RNF6: variants seen among roughly 807,000 people sequenced by gnomAD.
RNF6 encodes ring finger protein 6, also known as E3 ubiquitin-protein ligase RNF6.
In RNF6, 21 loss-of-function variants were observed where a neutral mutation model predicts 50.1. That is an observed-to-expected ratio of 0.42 (90% CI 0.30 to 0.60). The LOEUF (loss-of-function observed/expected upper bound fraction) is 0.60. Ranked by LOEUF, RNF6 falls within the 20% of genes least tolerant of loss-of-function variation. The probability of loss-of-function intolerance (pLI) is 0.20; values close to 1 mark genes in which losing one functional copy is unlikely to be tolerated. For synonymous variants in RNF6, 255 were observed against 291.8 expected, an observed-to-expected ratio of 0.87 and a Z score of 1.29; for missense variants, 698 against 838.2, an observed-to-expected ratio of 0.83 and a Z score of 2.07.
intron 5 of RNF6, among the ~76,000 whole-genome samples, chr13:26,155,802 G>A (rs1443238113): frequency 1.3e-5 from 2 of 152,200 alleles, no homozygotes; most frequent in Non-Finnish European, 2.9e-5. Flanking sequence ...GGAAAAGCCA[G>A]CTGCCCAGCC....
chr13:26,147,580 GA>G (rs777910282), intron 5 of RNF6, among the ~76,000 whole-genome samples: 3 of 152,098 alleles, frequency 2.0e-5, no homozygotes, highest in Admixed American at 6.5e-5. Context: ...CAAAATTTAG[GA>G]GTCAATGTCC....
At chr13:26,150,077 C>G (rs1010863401) in intron 5 of RNF6, among the ~76,000 whole-genome samples, 3 of 148,304 alleles carry the variant, frequency 2.0e-5, no homozygotes, top group Non-Finnish European at 4.5e-5. Context: ...TATACATACA[C>G]ACACACAGAG....
chr13:26,144,597 G>A (rs1426005300), intron 5 of RNF6, among the ~76,000 whole-genome samples: 3 of 152,156 alleles, frequency 2.0e-5, no homozygotes, highest in Non-Finnish European at 4.4e-5. Flanking sequence ...TTGCCTATTA[G>A]GATAAGTTCC....
At chr13:26,179,287 AG>A (rs771153994) in intron 5 of RNF6, among the ~76,000 whole-genome samples, 3 of 152,228 alleles carry the variant, frequency 2.0e-5, no homozygotes, top group Non-Finnish European at 2.9e-5. Flanking sequence ...AGTCAGGCAA[AG>A]AAAATGTATT....
At chr13:26,175,583 G>A (rs959027788) in intron 5 of RNF6, among the ~76,000 whole-genome samples, 3 of 152,130 alleles carry the variant, frequency 2.0e-5, no homozygotes, top group Admixed American at 6.5e-5. Flanking sequence ...GGTTACCATC[G>A]CAGTTCCCCA....
In RNF6 at chr13:26,215,599, A is replaced by T; in HGVS notation, c.290-7T>A. ...TCTCTAGGGACTTCTGAGTCTAGAA[A>T]GCAAAGCAAATCAACTTAAGATCAA... On this transcript the variant is annotated splice_region_variant and splice_polypyrimidine_tract_variant and intron_variant, in intron 4 of 4. Coordinates refer to ENST00000381588, the MANE Select transcript of RNF6 (RefSeq NM_005977.4). The T allele has an allele frequency of 6.3e-7, 1 of 1,585,678 alleles. No individual in the cohort carries two copies. Among genetic ancestry groups the T allele is most frequent in the Non-Finnish European group, 8.5e-7 (1 of 1,173,136 alleles).
At chr13:26,182,354 A>ATTTTGATTAAACATT (rs56038404) in intron 5 of RNF6, among the ~76,000 whole-genome samples, 52,684 of 151,990 alleles carry the variant, frequency 0.35, 9,866 homozygotes, top group East Asian at 0.69. Context: ...CTCAAATTAA[A>ATTTTGATTAAACATT]TTTGGCAAAA....
chr13:26,201,887 T>TA (rs1022312265), intron 5 of RNF6, among the ~76,000 whole-genome samples: 69 of 152,160 alleles, frequency 4.5e-4, no homozygotes, highest in African/African-American at 1.6e-3. Context: ...AGTTGACTGA[T>TA]ACTCAGTGTC....
At chr13:26,164,168 A>G (rs1872340112) in intron 5 of RNF6, among the ~76,000 whole-genome samples, 1 of 152,202 alleles carries the variant, frequency 6.6e-6, no homozygotes, top group Non-Finnish European at 1.5e-5. Context: ...CTTTTTATTT[A>G]TCATCCCTGG....
intron 5 of RNF6, among the ~76,000 whole-genome samples, chr13:26,185,994 C>T (rs989000955): frequency 6.6e-6 from 1 of 152,182 alleles, no homozygotes; most frequent in Non-Finnish European, 1.5e-5. Flanking sequence ...CCACCCCGTG[C>T]CCTTATGAAA....
intron 5 of RNF6, among the ~76,000 whole-genome samples, chr13:26,169,912 A>G (rs1872615505): frequency 6.6e-6 from 1 of 152,216 alleles, no homozygotes; most frequent in South Asian, 2.1e-4. Flanking sequence ...CTCTCCTATT[A>G]TAATAGTTTT....
intron 5 of RNF6, among the ~76,000 whole-genome samples, chr13:26,184,737 T>C (rs1873434244): frequency 6.6e-6 from 1 of 152,174 alleles, no homozygotes; most frequent in Admixed American, 6.5e-5. Context: ...CTGTTCTGGC[T>C]TAAAACAATG....
At chr13:26,170,450 T>C (rs1872645577) in intron 5 of RNF6, among the ~76,000 whole-genome samples, 1 of 151,562 alleles carries the variant, frequency 6.6e-6, no homozygotes, top group Non-Finnish European at 1.5e-5. Context: ...CATTTCCGTT[T>C]TGTGCAGCTA....
chr13:26,137,105 C>A (rs2137545746), intron 5 of RNF6, among the ~76,000 whole-genome samples: 1 of 152,264 alleles, frequency 6.6e-6, no homozygotes, highest in East Asian at 1.9e-4. Context: ...ATTACTGGAT[C>A]TGTTTGATGG....
At chr13:26,174,028 G>A (rs1024966645) in intron 5 of RNF6, among the ~76,000 whole-genome samples, 1 of 152,020 alleles carries the variant, frequency 6.6e-6, no homozygotes, top group Non-Finnish European at 1.5e-5. Context: ...TCTTAATGGT[G>A]AGAATATGAG....
At chr13:26,145,717 A>G (rs1480788589) in intron 5 of RNF6, among the ~76,000 whole-genome samples, 1 of 152,226 alleles carries the variant, frequency 6.6e-6, no homozygotes, top group Non-Finnish European at 1.5e-5. Context: ...ATGTCTCTAT[A>G]CCAGTGTGAG....
intron 5 of RNF6, among the ~76,000 whole-genome samples, chr13:26,170,755 T>G (rs575389862): frequency 6.6e-6 from 1 of 152,330 alleles, no homozygotes; most frequent in East Asian, 1.9e-4. Context: ...TAATAAAAAA[T>G]TGTATGATTC....
At chr13:26,206,386 G>A (rs1316745407) in intron 5 of RNF6, among the ~76,000 whole-genome samples, 1 of 152,196 alleles carries the variant, frequency 6.6e-6, no homozygotes, top group Non-Finnish European at 1.5e-5. Context: ...GCAGGCTGTC[G>A]AATTTGAAAT....
intron 5 of RNF6, among the ~76,000 whole-genome samples, chr13:26,191,644 G>A (rs1170626635): frequency 6.6e-6 from 1 of 152,206 alleles, no homozygotes; most frequent in Non-Finnish European, 1.5e-5. Context: ...GCCTTGTGAA[G>A]AAGGCGCTTG....
Sources: gnomAD v4.1 joint callset for allele counts (sites outside exome capture counted in the v4.1 genomes callset) on GRCh38, gnomAD v4.1.1 for gene constraint, MANE v1.5 for transcripts, NCBI Gene and HGNC (gene_info 2026-07-23, HGNC 2026-07-21) for gene names.